NOS3: variants seen among roughly 807,000 people sequenced by gnomAD.
The protein encoded by NOS3 is nitric oxide synthase 3.
Under a neutral mutation model 144.9 loss-of-function variants are expected in NOS3, and 98 were observed. The observed-to-expected ratio is 0.68, with a 90% CI of 0.57 to 0.80. The LOEUF (loss-of-function observed/expected upper bound fraction) is 0.80. NOS3 is among the 30% of genes least tolerant of loss of function. NOS3 has a pLI of 0.00. For synonymous variants in NOS3, 714 were observed against 702.4 expected, an observed-to-expected ratio of 1.02 and a Z score of -0.26; for missense variants, 1,465 against 1,656.4, an observed-to-expected ratio of 0.88 and a Z score of 2.01.
At chr7:151,001,179 G>C in intron 10 of NOS3, 52 bp from the exon 11 acceptor site, 10 of 1,585,964 alleles carry the variant, frequency 6.3e-6, no homozygotes, top group Non-Finnish European at 8.6e-6. Context: ...AGGAAGAATG[G>C]GCGAGGTCTG....
intron 12 of NOS3, 52 bp downstream of exon 12, chr7:151,001,669 C>G (rs1265565600): frequency 3.2e-6 from 5 of 1,580,654 alleles, no homozygotes; most frequent in Non-Finnish European, 4.3e-6. Context: ...GGGCCCCACT[C>G]TCCCCCACAC....
rs3730001 is a variant in NOS3, at chr7:150,996,746, A to C, written c.420-17A>C. 2 of 1,603,990 alleles carry C rather than the reference A, an allele frequency of 1.2e-6. No individual in the cohort carries two copies. The highest frequency in any genetic ancestry group is 2.7e-5 in the African/African-American group (2 of 72,872). On this transcript the variant is annotated splice_polypyrimidine_tract_variant and intron_variant, in intron 4 of 26. Transcript: ENST00000297494. Reference sequence around the variant, plus strand: ...ACAACTTCCTGCTTGTCCCCTTCCCACCCCTCTCCTCCCCAGGAGCGGCTC... The same window carrying C: ...ACAACTTCCTGCTTGTCCCCTTCCCCCCCCTCTCCTCCCCAGGAGCGGCTC...
At position 151,001,653 on chromosome 7, in the gene NOS3, C is replaced by A. The variant is rs763100805; in HGVS notation, c.1502+36C>A. ...TGGGAGCCCCGCTCTCCCACACACA[C>A]CCTGGGGGCCCCACTCTCCCCCACA... is the stretch of plus-strand genomic sequence containing the variant. On this transcript the variant is annotated intron_variant, in intron 12 of 26. Transcript: ENST00000297494. The A allele has an allele frequency of 2.5e-6, 4 of 1,599,584 alleles. No homozygotes were observed. The South Asian group carries it at 3.3e-5, about 13-fold the overall frequency.
In NOS3 at chr7:151,003,109, G is replaced by A. The variant is rs938558975; in HGVS notation, c.1752+805G>A. On this transcript the variant is annotated intron_variant, in intron 14 of 26. Transcript: ENST00000297494. The surrounding 1 kb of genome is among the most constrained non-coding windows in gnomAD (Gnocchi z 4.1). Reference sequence around the variant, plus strand: ...GTGTTAAAGGCCTTATTAGCACTAAGTACTTCCTCAGTACTCTTTTTTCTT... The same window carrying A: ...GTGTTAAAGGCCTTATTAGCACTAAATACTTCCTCAGTACTCTTTTTTCTT... The A allele has an allele frequency of 4.5e-6, 2 of 448,002 alleles. No individual in the cohort carries two copies. Among genetic ancestry groups the A allele is most frequent in the African/African-American group, 2.0e-5 (1 of 49,874 alleles). 27.8% of individuals were successfully genotyped at this position (448,002 alleles called of 1,614,324 possible).
At chr7:151,000,402 T>G in intron 9 of NOS3, 96 bp from the exon 10 acceptor site, 1 of 820,334 alleles carries the variant, frequency 1.2e-6, no homozygotes, top group Non-Finnish European at 2.1e-6. Context: ...CTCACCTCAC[T>G]CCTTCCAGCC....
chr7:151,007,396 C>T (rs1795222761), intron 17 of NOS3, 120 bp downstream of exon 17: 3 of 1,136,784 alleles, frequency 2.6e-6, no homozygotes, highest in African/African-American at 1.6e-5. Context: ...AATCCACCCT[C>T]ATCTCTCCAT....
At chr7:151,001,001 G>A (rs2117116361) in intron 10 of NOS3, among the ~76,000 whole-genome samples, 1 of 152,292 alleles carries the variant, frequency 6.6e-6, no homozygotes, top group South Asian at 2.1e-4. Flanking sequence ...TGGGGACCAG[G>A]CATGCAGATG....
chr7:151,003,558 T>A lies in NOS3; in HGVS notation c.1752+1254T>A. On this transcript the variant is annotated intron_variant, in intron 14 of 26. Coordinates refer to ENST00000297494, the MANE Select transcript of NOS3 (RefSeq NM_000603.5). The surrounding 1 kb of genome is among the most constrained non-coding windows in gnomAD (Gnocchi z 4.1). ...TTGACTTTTTTTTAGCATAAAGGTG[T>A]ATAGACACCCATATAACCTACAGCC... The A allele has an allele frequency of 7.7e-7, 1 of 1,299,850 alleles. No homozygotes were observed. Among genetic ancestry groups the A allele is most frequent in the Non-Finnish European group, 1.0e-6 (1 of 985,382 alleles). 80.5% of individuals were successfully genotyped at this position (1,299,850 alleles called of 1,614,324 possible). A position where few individuals can be genotyped will look rare whatever the true frequency, so the allele number is the denominator to read the frequency against.
rs1293343007 is a variant in NOS3 at position 150,998,237 on chromosome 7, G to C, written c.583-120G>C. 1.8e-5 allele frequency: 15 copies of C among 814,100 alleles called. No individual in the cohort carries two copies. The highest frequency in any genetic ancestry group is 3.0e-5 in the Non-Finnish European group (15 of 505,892). 50.4% of individuals were successfully genotyped at this position (814,100 alleles called of 1,614,324 possible). ...GATCAGTGTGGCTGCCAATGGTCAG[G>C]AGGGCGCCATGGAGTGAACCATGGC... On this transcript the variant is annotated intron_variant, in intron 5 of 26. Coordinates refer to ENST00000297494, the MANE Select transcript of NOS3 (RefSeq NM_000603.5). This position sits in a 1 kb window ranked among gnomAD's most constrained non-coding sequence, Gnocchi z 5.0.
intron 21 of NOS3, 111 bp downstream of exon 21, chr7:151,010,398 G>A: frequency 1.7e-6 from 2 of 1,164,294 alleles, no homozygotes; most frequent in Non-Finnish European, 1.2e-6. Flanking sequence ...TCTTCTCCTG[G>A]CCGACATGCA....
Position 150,998,541 on chromosome 7 carries a change from C to T in NOS3, c.677C>T (p.Ser226Leu), listed in dbSNP as rs375752214. Residue 226 changes from serine (S) to leucine (L), a missense_variant and splice_region_variant, in exon 7 of 27, where the codon TCG (serine) becomes TTG (leucine). Transcript: ENST00000297494. This position sits in a 1 kb window ranked among gnomAD's most constrained non-coding sequence, Gnocchi z 5.0. ...AGCTCTTTCCCCATGCGTGCCAGCT[C>T]GGCCATCACAGTGTTCCCGCAGCGC... ...KYATNRGNLR[S>L]AITVFPQRCP... 15 of 1,610,494 alleles carry T rather than the reference C, an allele frequency of 9.3e-6. No homozygotes were observed. The African/African-American group carries it at 1.3e-4, about 14-fold the overall frequency.
chr7:151,006,913 C>T lies in NOS3; in HGVS notation c.1845C>T (p.Ser615=). ...GGAGTTATAAGATCCGCTTCAACAG[C>T]ATCTCCTGCTCAGACCCACTGGTGT... ...QHKSYKIRFN[S]ISCSDPLVSS... is the part of the protein sequence containing the mutation. The change falls in exon 16 of 27, where the codon AGC becomes AGT. Residue 615 remains serine, a synonymous_variant. Transcript: ENST00000297494. 6.2e-7 allele frequency: 1 copy of T among 1,614,006 alleles called. No homozygotes were observed. Among genetic ancestry groups the T allele is most frequent in the Non-Finnish European group, 8.5e-7 (1 of 1,179,924 alleles).
At position 151,012,461 on chromosome 7, in the gene NOS3, T is replaced by A; in HGVS notation, c.3095T>A (p.Ile1032Asn). The A allele has an allele frequency of 6.2e-7, 1 of 1,612,102 alleles. No individual in the cohort carries two copies. Among genetic ancestry groups the A allele is most frequent in the Non-Finnish European group, 8.5e-7 (1 of 1,179,324 alleles). The change falls in exon 24 of 27, where the codon ATT becomes AAT. Residue 1032 changes from isoleucine to asparagine, a missense_variant. Ile to Asn is a moderately radical substitution (Grantham distance 149). Transcript: ENST00000297494. ...TTCTGGCAGGAGCGGCTGCATGACA[T>A]TGAGAGCAAAGGTGAGGCTGGGGAC... ...RGFWQERLHD[I>N]ESKGLQPTPM...
rs753853899 is a variant in NOS3, at chr7:150,996,879, G to T, written c.536G>T (p.Arg179Leu). 9 of 1,586,380 alleles carry T rather than the reference G, an allele frequency of 5.7e-6. No homozygotes were observed. Among genetic ancestry groups the T allele is most frequent in the Non-Finnish European group, 7.7e-6 (9 of 1,167,308 alleles). ...GTGTTCGGGGCTAAGCAGGCCTGGC[G>T]CAACGCTCCCCGCTGCGTGGGCCGG... Reference protein sequence around the residue: ...ELVFGAKQAWRNAPRCVGRIQ... With the variant: ...ELVFGAKQAWLNAPRCVGRIQ... The change falls in exon 5 of 27, where the codon CGC (arginine) becomes CTC (leucine). Residue 179 changes from arginine (R) to leucine (L), a missense_variant. Arg to Leu is a moderately radical substitution (Grantham distance 102). This residue lies in a region of NOS3 where 374 missense variants were observed against 377.0 expected (regional missense o/e 0.99). Coordinates refer to ENST00000297494, the MANE Select transcript of NOS3 (RefSeq NM_000603.5).
chr7:151,002,386 ACAC>A lies in NOS3; in HGVS notation c.1752+83_1752+85del. ...GACTGGGCAGGAACCTCTGCCCAACACACACACACACACACACACACACACACA... is the reference window on the plus strand; with the variant it reads ...GACTGGGCAGGAACCTCTGCCCAACAACACACACACACACACACACACACA... On this transcript the variant is annotated intron_variant, in intron 14 of 26. Coordinates refer to ENST00000297494, the MANE Select transcript of NOS3 (RefSeq NM_000603.5). This position sits in a 1 kb window ranked among gnomAD's most constrained non-coding sequence, Gnocchi z 4.1. The A allele has an allele frequency of 1.9e-5, 1 of 51,722 alleles. No homozygotes were observed. The highest frequency in any genetic ancestry group is 3.2e-5 in the Non-Finnish European group (1 of 31,096). The allele number at this position is 51,722 out of a possible 1,614,324, so 3.2% of individuals were successfully genotyped here.
intron 17 of NOS3, among the ~76,000 whole-genome samples, chr7:151,007,890 GTTC>G (rs10595051): frequency 0.019 from 2,830 of 152,216 alleles, 63 homozygotes; most frequent in African/African-American, 0.064. Flanking sequence ...GTGCCACACT[GTTC>G]AGGGCAGTGC....
intron 21 of NOS3, 43 bp downstream of exon 21, chr7:151,010,330 G>A (rs978432939): frequency 6.4e-7 from 1 of 1,565,952 alleles, no homozygotes; most frequent in African/African-American, 1.4e-5. Flanking sequence ...AGAGAGACGG[G>A]ATGAGCTGGG....
intron 14 of NOS3, among the ~76,000 whole-genome samples, chr7:151,004,542 A>G (rs1795176709): frequency 6.6e-6 from 1 of 152,228 alleles, no homozygotes; most frequent in Admixed American, 6.5e-5. Context: ...CACTGGAAAC[A>G]ATTCAAATGA....
rs1802476398 is a variant in NOS3, at chr7:150,998,196, G to A, written c.583-161G>A. Among the ~76,000 whole-genome samples the A allele has an allele frequency of 6.6e-6, 1 of 152,192 alleles. No homozygotes were observed. Among genetic ancestry groups the A allele is most frequent in the Non-Finnish European group, 1.5e-5 (1 of 68,018 alleles). On this transcript the variant is annotated intron_variant, in intron 5 of 26. Transcript: ENST00000297494. The surrounding 1 kb of genome is among the most constrained non-coding windows in gnomAD (Gnocchi z 5.0). ...CCCGGATGGTGCTACATATGTCAGA[G>A]AGCAGGGCAGGAAGGGATCAGTGTG...
Sources: gnomAD v4.1 joint callset for allele counts (sites outside exome capture counted in the v4.1 genomes callset) on GRCh38, gnomAD v4.1.1 for gene constraint, gnomAD v4.1.1 regional missense constraint, Gnocchi (gnomAD v3.1) non-coding constraint, MANE v1.5 for transcripts, NCBI Gene and HGNC (gene_info 2026-07-23, HGNC 2026-07-21) for gene names.